DMD: variants seen among roughly 807,000 people sequenced by gnomAD.
DMD encodes dystrophin.
Under a neutral mutation model 330.1 loss-of-function variants are expected in DMD, and 63 were observed. The ratio of observed to expected loss-of-function variants is 0.19; its 90% CI spans 0.16 to 0.24. DMD has a LOEUF of 0.24. Ranked by LOEUF, DMD falls within the 10% of genes least tolerant of loss-of-function variation. The pLI is 1.00. For synonymous variants in DMD, 1,223 were observed against 959.8 expected, an observed-to-expected ratio of 1.27 and a Z score of -5.07; for missense variants, 3,344 against 2,684.1, an observed-to-expected ratio of 1.25 and a Z score of -5.43.
intron 7 of DMD, among the ~76,000 whole-genome samples, chrX:32,760,093 T>C (rs16990653): frequency 0.069 from 6,533 of 94,984 alleles, 435 homozygotes; most frequent in African/African-American, 0.24. Flanking sequence ...CTCTTGTAAT[T>C]ATTCTTCTTA....
chrX:32,769,421 G>C (rs949635369), intron 7 of DMD, among the ~76,000 whole-genome samples: 2 of 111,605 alleles, frequency 1.8e-5, no homozygotes, highest in Non-Finnish European at 1.9e-5. Flanking sequence ...GCCACTCCCA[G>C]AACACGTGGG....
chrX:32,819,863 AAAAG>A (rs2078080728), intron 5 of DMD, among the ~76,000 whole-genome samples: 2 of 110,145 alleles, frequency 1.8e-5, no homozygotes, highest in Admixed American at 9.7e-5. Flanking sequence ...AAAAAAAAAA[AAAAG>A]AAAAACACAT....
At chrX:31,383,638 G>A (rs2060296529) in intron 60 of DMD, among the ~76,000 whole-genome samples, 1 of 111,551 alleles carries the variant, frequency 9.0e-6, no homozygotes, top group African/African-American at 3.3e-5. Context: ...ACCACCCATA[G>A]CCCACCCTGC....
intron 50 of DMD, among the ~76,000 whole-genome samples, chrX:31,817,065 A>T (rs1452207170): frequency 9.0e-6 from 1 of 111,187 alleles, no homozygotes; most frequent in African/African-American, 3.3e-5. Context: ...TGTGGCCTTA[A>T]TCTAGCTATC....
At chrX:32,744,004 G>T (rs12116231) in intron 7 of DMD, among the ~76,000 whole-genome samples, 15,406 of 110,296 alleles carry the variant, frequency 0.14, 1,220 homozygotes, top group African/African-American at 0.3. Context: ...GCAGGGTGTG[G>T]TGATTTAGCT....
At chrX:32,584,865 A>G (rs751929551) in intron 13 of DMD, among the ~76,000 whole-genome samples, 4 of 111,777 alleles carry the variant, frequency 3.6e-5, no homozygotes, top group South Asian at 3.8e-4. Flanking sequence ...TACTTCTGTA[A>G]TAAGTCTTTA....
At chrX:31,155,380 T>G (rs1569364412) in intron 74 of DMD, among the ~76,000 whole-genome samples, 1 of 112,688 alleles carries the variant, frequency 8.9e-6, no homozygotes, top group African/African-American at 3.2e-5. Context: ...AATGTTTTCT[T>G]AACAGTATCA....
intron 2 of DMD, among the ~76,000 whole-genome samples, chrX:32,859,931 T>C (rs2081948600): frequency 8.9e-6 from 1 of 111,777 alleles, no homozygotes; most frequent in Non-Finnish European, 1.9e-5. Flanking sequence ...TAGCTCTCTG[T>C]CTTCAGTTCA....
intron 1 of DMD, among the ~76,000 whole-genome samples, chrX:33,271,657 T>C (rs2053156916): frequency 9.5e-6 from 1 of 105,769 alleles, no homozygotes; most frequent in Admixed American, 1.0e-4. Context: ...TCCCAGCTAC[T>C]TGGGAGGCTG....
chrX:32,901,670 C>A (rs1228702597), intron 2 of DMD, among the ~76,000 whole-genome samples: 1 of 110,698 alleles, frequency 9.0e-6, no homozygotes, highest in East Asian at 2.8e-4. Flanking sequence ...TAAAATTTTT[C>A]ATAAAATGTA....
chrX:32,409,225 T>C lies in DMD; in HGVS notation c.4233+2527A>G, dbSNP rs184077873. ...AGATGGCTTGTATTCTCCAATATTA[T>C]GTATTACCATTGGGGAGACTCAATG... On this transcript the variant is annotated intron_variant, in intron 30 of 78. Coordinates refer to ENST00000357033, the MANE Select transcript of DMD (RefSeq NM_004006.3). Among the ~76,000 whole-genome samples, 675 of 111,699 alleles carry C rather than the reference T, an allele frequency of 6.0e-3. 4 individuals carry two copies. The highest frequency in any genetic ancestry group is 0.02 in the African/African-American group (624 of 30,805).
At chrX:32,205,804 G>A (rs977259346) in intron 44 of DMD, 4 of 192,703 alleles carry the variant, frequency 2.1e-5, no homozygotes, top group Non-Finnish European at 3.8e-5. Flanking sequence ...AATCTCCCTG[G>A]TGTGATTCTG....
rs757944582 is a variant in DMD at position 32,162,738 on chromosome X, C to CT, written c.6438+54177dup. Among the ~76,000 whole-genome samples, 753 of 98,742 alleles carry CT rather than the reference C, an allele frequency of 7.6e-3. 1 individual carries two copies. Among genetic ancestry groups the CT allele is most frequent in the African/African-American group, 0.015 (409 of 27,425 alleles). The allele number at this position is 98,742 out of a possible 115,157, so 85.7% of individuals were successfully genotyped here. On this transcript the variant is annotated intron_variant, in intron 44 of 78. Transcript: ENST00000357033. ...GGCATGTGCCACAACGCCCAGCTAA[C>CT]TTTTTTTTTTTTTGTATTTTTAGTA...
chrX:32,368,400 G>T (rs776372088), intron 34 of DMD, among the ~76,000 whole-genome samples: 1 of 111,700 alleles, frequency 9.0e-6, no homozygotes, highest in African/African-American at 3.2e-5. Context: ...ACACTTGAAG[G>T]CGGAGTGTGC....
At chrX:32,629,733 G>A (rs904411931) in intron 11 of DMD, among the ~76,000 whole-genome samples, 3 of 108,319 alleles carry the variant, frequency 2.8e-5, no homozygotes, top group Non-Finnish European at 3.8e-5. Flanking sequence ...TAAAGAATAA[G>A]TTATAATCCA....
At chrX:33,190,942 AATATATAATATTATAT>A (rs2050565426) in intron 1 of DMD, among the ~76,000 whole-genome samples, 41 of 1,048 alleles carry the variant, frequency 0.039, 5 homozygotes, top group Non-Finnish European at 0.065. Flanking sequence ...ATATATATAT[AATATATAATATTATAT>A]ATATATATAA....
intron 28 of DMD, among the ~76,000 whole-genome samples, chrX:32,439,757 T>C (rs1005921686): frequency 2.7e-5 from 3 of 111,275 alleles, no homozygotes; most frequent in Non-Finnish European, 3.8e-5. Flanking sequence ...TGTATGTATT[T>C]ATTTATTTTT....
chrX:32,762,011 A>G (rs1156870775), intron 7 of DMD, among the ~76,000 whole-genome samples: 1 of 108,805 alleles, frequency 9.2e-6, no homozygotes, highest in African/African-American at 3.4e-5. Flanking sequence ...TTAGCCAGGC[A>G]TAGTTGCACG....
chrX:33,202,775 C>A (rs2148833386), intron 1 of DMD, among the ~76,000 whole-genome samples: 1 of 111,722 alleles, frequency 9.0e-6, no homozygotes, highest in East Asian at 2.8e-4. Context: ...TGCTTTATAA[C>A]TTTCTTGATA....
Sources: allele counts gnomAD v4.1 joint callset (sites outside exome capture counted in the v4.1 genomes callset), GRCh38; gene constraint gnomAD v4.1.1; transcripts MANE v1.5; gene names NCBI Gene and HGNC (gene_info 2026-07-23, HGNC 2026-07-21).